The following ANKRD34B variants were observed in gnomAD, a reference collection of about 807,000 sequenced individuals.
ANKRD34B encodes ankyrin repeat domain-containing protein 34B.
In ANKRD34B, 2 loss-of-function variants were observed where a neutral mutation model predicts 4.4. That is an observed-to-expected ratio of 0.46 (90% CI 0.19 to 1.44). ANKRD34B has a LOEUF of 1.44. Ranked by LOEUF, ANKRD34B falls within the 40% of genes most tolerant of loss-of-function variation. The pLI is 0.26. For missense variants in ANKRD34B, 558 were observed against 604.7 expected (o/e 0.92, Z 0.81); for synonymous variants, 226 against 227.1 (o/e 0.99, Z 0.05).
At chr5:80,561,582 C>A (rs770988686) in intron 4 of ANKRD34B, among the ~76,000 whole-genome samples, 2 of 152,140 alleles carry the variant, frequency 1.3e-5, no homozygotes, top group Non-Finnish European at 2.9e-5. Flanking sequence ...GATACAAGCC[C>A]TATCTCTGAG....
rs771760179 is a variant in ANKRD34B at position 80,559,751 on chromosome 5, T to C, written c.269A>G (p.His90Arg). ...AGGGCCAGCTTTTTCTAAGCAAGCATGCATCAGAGCCGTTTTCCCAGATTT... is the reference window on the plus strand; with the variant it reads ...AGGGCCAGCTTTTTCTAAGCAAGCACGCATCAGAGCCGTTTTCCCAGATTT... ...QDKSGKTALM[H>R]ACLEKAGPEV... is the part of the protein sequence containing the mutation. Residue 90 changes from histidine to arginine, a missense_variant, in exon 5 of 5, where the codon CAT becomes CGT. By Grantham distance (29) the His-to-Arg change is conservative. Coordinates refer to ENST00000338682, the MANE Select transcript of ANKRD34B (RefSeq NM_001004441.3). The C allele has an allele frequency of 6.2e-7, 1 of 1,614,102 alleles. No individual in the cohort carries two copies. The highest frequency in any genetic ancestry group is 8.5e-7 in the Non-Finnish European group (1 of 1,180,042).
intron 3 of ANKRD34B, among the ~76,000 whole-genome samples, chr5:80,565,970 T>A (rs1248077266): frequency 1.3e-5 from 2 of 152,244 alleles, no homozygotes. Context: ...TGCAGTGTCT[T>A]TAATATCACT....
rs145614517 is a variant in ANKRD34B, at chr5:80,558,815, G to A, written c.1205C>T (p.Ser402Phe). The part of the protein sequence containing the change: ...GKKKILSPSP[S>F]QLSESKELLE... The stretch of plus-strand genomic sequence containing the variant: ...CAATTCTTTGGACTCTGACAATTGG[G>A]AAGGAGATGGTGAGAGGATCTTTTT... Residue 402 changes from serine to phenylalanine, a missense_variant, in exon 5 of 5, where the codon TCC becomes TTC. Ser to Phe is a radical substitution (Grantham distance 155). Transcript: ENST00000338682. 8.0e-4 allele frequency: 1,291 copies of A among 1,614,106 alleles called. 7 individuals are homozygous for A. The African/African-American group carries it at 0.015, about 18-fold the overall frequency.
In ANKRD34B at chr5:80,558,806, G is replaced by C; in HGVS notation, c.1214C>G (p.Ser405Ter). The C allele has an allele frequency of 6.2e-7, 1 of 1,614,124 alleles. No individual in the cohort carries two copies. The highest frequency in any genetic ancestry group is 1.7e-5 in the Admixed American group (1 of 60,022). ...ATTCTCCAACAATTCTTTGGACTCT[G>C]ACAATTGGGAAGGAGATGGTGAGAG... The part of the protein sequence containing the change: ...KILSPSPSQL[S>*]ESKELLENIP... The change falls in exon 5 of 5, where the codon TCA (serine) becomes TGA (stop). Residue 405 changes from serine (S) to a stop codon, truncating the protein, a stop_gained. Transcript: ENST00000338682. LOFTEE classifies it low-confidence loss of function (END_TRUNC).
At chr5:80,563,651 T>C (rs1196172535) in intron 4 of ANKRD34B, 84 bp downstream of exon 4, 2 of 152,184 alleles carry the variant, frequency 1.3e-5, no homozygotes, top group African/African-American at 2.4e-5. Context: ...AATATATACA[T>C]ACATAAATGC....
rs1291614084 is a variant in ANKRD34B at position 80,563,024 on chromosome 5, AAATG to A, written c.-24+707_-24+710del. Among the ~76,000 whole-genome samples, 6 of 152,294 alleles carry A rather than the reference AAATG, an allele frequency of 3.9e-5. No individual in the cohort carries two copies. In the South Asian group the frequency reaches 1.2e-3, roughly 32 times the overall value. ...AAGATGAAAAATTGAAAAAGATGAA[AAATG>A]AAAAGCTTTTGTCATACACTGGCAA... On this transcript the variant is annotated intron_variant, in intron 4 of 4. Coordinates refer to ENST00000338682, the MANE Select transcript of ANKRD34B (RefSeq NM_001004441.3).
At chr5:80,564,472 A>G (rs1746501359) in intron 3 of ANKRD34B, 1 of 152,180 alleles carries the variant, frequency 6.6e-6, no homozygotes, top group African/African-American at 2.4e-5. Flanking sequence ...GGCCGTGCCT[A>G]AGGAGGACAG....
chr5:80,558,850 A>G lies in ANKRD34B; in HGVS notation c.1170T>C (p.Leu390=), dbSNP rs933706670. ...TPPTSEDGKA[L]IGKKKILSPS... ...GTGAGAGGATCTTTTTCTTTCCTATAAGTGCTTTGCCGTCTTCTGAAGTTG... is the reference window on the plus strand; with the variant it reads ...GTGAGAGGATCTTTTTCTTTCCTATGAGTGCTTTGCCGTCTTCTGAAGTTG... The change falls in exon 5 of 5, where the codon CTT becomes CTC. Residue 390 remains leucine, a synonymous_variant. Coordinates refer to ENST00000338682, the MANE Select transcript of ANKRD34B (RefSeq NM_001004441.3). 6.2e-7 allele frequency: 1 copy of G among 1,613,912 alleles called. No individual in the cohort carries two copies. Among genetic ancestry groups the G allele is most frequent in the South Asian group, 1.1e-5 (1 of 91,062 alleles).
rs1425016790 is a variant in ANKRD34B, at chr5:80,560,059, G to A, written c.-23-17C>T. 5 of 1,416,522 alleles carry A rather than the reference G, an allele frequency of 3.5e-6. No individual in the cohort carries two copies. Among genetic ancestry groups the A allele is most frequent in the East Asian group, 4.6e-5 (2 of 43,378 alleles). The allele number at this position is 1,416,522 out of a possible 1,614,324, so 87.7% of individuals were successfully genotyped here. A position where few individuals can be genotyped will look rare whatever the true frequency, so the allele number is the denominator to read the frequency against. The stretch of plus-strand genomic sequence containing the variant: ...ACTCAATACCTGGTTATCAAAGATG[G>A]CAAAGACCAAAAGATTAGCCAGAAT... On this transcript the variant is annotated splice_polypyrimidine_tract_variant and intron_variant, in intron 4 of 4. Coordinates refer to ENST00000338682, the MANE Select transcript of ANKRD34B (RefSeq NM_001004441.3).
At position 80,558,598 on chromosome 5, in the gene ANKRD34B, A is replaced by T. The variant is rs1345793920; in HGVS notation, c.1422T>A (p.Ser474=). ...NVNNKICSLL[S]CGQKVLMPTV... ...TTGGCATAAGCACTTTTTGACCACAAGAAAGAAGGCTGCAAATCTTGTTGT... is the reference window on the plus strand; with the variant it reads ...TTGGCATAAGCACTTTTTGACCACATGAAAGAAGGCTGCAAATCTTGTTGT... Residue 474 remains serine (S), a synonymous_variant, in exon 5 of 5, where the codon TCT becomes TCA. Coordinates refer to ENST00000338682, the MANE Select transcript of ANKRD34B (RefSeq NM_001004441.3). The T allele has an allele frequency of 1.2e-6, 2 of 1,614,040 alleles. No homozygotes were observed. The highest frequency in any genetic ancestry group is 2.7e-5 in the African/African-American group (2 of 74,942).
chr5:80,557,994 C>A lies in ANKRD34B; in HGVS notation c.*481G>T, dbSNP rs189140958. 6.6e-6 allele frequency: 1 copy of A among 152,086 alleles called. No individual in the cohort carries two copies. The highest frequency in any genetic ancestry group is 1.5e-5 in the Non-Finnish European group (1 of 68,150). The allele number at this position is 152,086 out of a possible 1,614,324, so 9.4% of individuals were successfully genotyped here. A position where few individuals can be genotyped will look rare whatever the true frequency, so the allele number is the denominator to read the frequency against. On this transcript the variant is annotated 3_prime_UTR_variant, in exon 5 of 5. Transcript: ENST00000338682. ...ATTAGTTCATTCTTTCTTTGTAGCT[C>A]GAGTTTTTTTATCTTAGAACATTTT...
intron 3 of ANKRD34B, among the ~76,000 whole-genome samples, chr5:80,565,681 C>G (rs1211885509): frequency 6.6e-6 from 1 of 152,198 alleles, no homozygotes; most frequent in Non-Finnish European, 1.5e-5. Flanking sequence ...GTGTTTATCT[C>G]AGAATTAGCT....
chr5:80,560,561 T>G (rs1042602912), intron 4 of ANKRD34B, among the ~76,000 whole-genome samples: 15 of 152,148 alleles, frequency 9.9e-5, no homozygotes, highest in African/African-American at 3.6e-4. Flanking sequence ...CTCAGGAGAC[T>G]GAGGCAGGAG....
chr5:80,564,700 TTC>T (rs1488193402), intron 3 of ANKRD34B, among the ~76,000 whole-genome samples: 1 of 96,918 alleles, frequency 1.0e-5, no homozygotes, highest in Non-Finnish European at 2.1e-5. Flanking sequence ...GTTTGCTCAC[TTC>T]TTTTTTTTTT....
At position 80,559,347 on chromosome 5, in the gene ANKRD34B, C is replaced by A; in HGVS notation, c.673G>T (p.Asp225Tyr). The A allele has an allele frequency of 6.2e-7, 1 of 1,614,156 alleles. No individual in the cohort carries two copies. The highest frequency in any genetic ancestry group is 8.5e-7 in the Non-Finnish European group (1 of 1,180,030). ...ELAGSNDDTW[D>Y]PGSPVRKPAL... ...GGTTTCCTCACAGGGGAACCTGGGT[C>A]CCAGGTATCATCATTGCTTCCAGCA... Residue 225 changes from aspartate to tyrosine, a missense_variant, in exon 5 of 5, where the codon GAC becomes TAC. Transcript: ENST00000338682.
At chr5:80,562,050 A>AGC (rs1348392543) in intron 4 of ANKRD34B, among the ~76,000 whole-genome samples, 2 of 98,740 alleles carry the variant, frequency 2.0e-5, no homozygotes, top group East Asian at 9.0e-4. Flanking sequence ...TAACTGACTC[A>AGC]GCGTGTGTGT....
rs1417335903 is a variant in ANKRD34B, at chr5:80,563,813, C to G, written c.-102G>C. The stretch of plus-strand genomic sequence containing the variant: ...TCAGAGGTCTATTCTGAATGCAAAG[C>G]ATCTGAAAAGAGCTCACATGAGACA... On this transcript the variant is annotated splice_region_variant and 5_prime_UTR_variant, in exon 4 of 5. The change abolishes an upstream ATG in the 5' untranslated region. Transcript: ENST00000338682. The G allele has an allele frequency of 6.6e-6, 1 of 152,136 alleles. No homozygotes were observed. The highest frequency in any genetic ancestry group is 1.5e-5 in the Non-Finnish European group (1 of 68,026). The allele number at this position is 152,136 out of a possible 1,614,324, so 9.4% of individuals were successfully genotyped here.
intron 3 of ANKRD34B, among the ~76,000 whole-genome samples, chr5:80,564,916 G>A (rs1401096623): frequency 1.3e-5 from 2 of 152,098 alleles, no homozygotes; most frequent in East Asian, 3.9e-4. Flanking sequence ...CGTTGGTCAG[G>A]CTGATCCCGA....
intron 2 of ANKRD34B, among the ~76,000 whole-genome samples, chr5:80,567,168 C>T (rs772357081): frequency 6.6e-6 from 1 of 152,156 alleles, no homozygotes; most frequent in Non-Finnish European, 1.5e-5. Flanking sequence ...GGATGAGCTT[C>T]GCACGGAGTA....
Sources: allele counts gnomAD v4.1 joint callset (sites outside exome capture counted in the v4.1 genomes callset), GRCh38; gene constraint gnomAD v4.1.1; transcripts MANE v1.5; gene names NCBI Gene and HGNC (gene_info 2026-07-23, HGNC 2026-07-21).